PEX7: variants seen among roughly 807,000 people sequenced by gnomAD.
PEX7 encodes the protein PTS2 receptor.
In PEX7, 34 loss-of-function variants were observed where a neutral mutation model predicts 47.5. That is an observed-to-expected ratio of 0.72 (90% CI 0.54 to 0.95). The LOEUF (loss-of-function observed/expected upper bound fraction) is 0.95, where lower values mean the gene tolerates loss of function less well. Ranked by LOEUF, PEX7 falls within the 40% of genes least tolerant of loss-of-function variation. The pLI, the probability that PEX7 is intolerant of heterozygous loss-of-function variation, is 0.00. For synonymous variants in PEX7, 141 were observed against 148.8 expected, an observed-to-expected ratio of 0.95 and a Z score of 0.38; for missense variants, 394 against 400.3, an observed-to-expected ratio of 0.98 and a Z score of 0.13.
intron 8 of PEX7, among the ~76,000 whole-genome samples, chr6:136,875,360 T>C (rs1260446161): frequency 6.6e-6 from 1 of 152,178 alleles, no homozygotes; most frequent in Non-Finnish European, 1.5e-5. Flanking sequence ...GTTTTCATTA[T>C]CATTTTAAAA....
chr6:136,860,580 A>G (rs1305799758), intron 5 of PEX7, among the ~76,000 whole-genome samples: 1 of 151,688 alleles, frequency 6.6e-6, no homozygotes, highest in Non-Finnish European at 1.5e-5. Context: ...TGACGAGTTA[A>G]TGGGTGCAGC....
At chr6:136,881,345 G>C (rs1240971153) in intron 8 of PEX7, among the ~76,000 whole-genome samples, 1 of 152,060 alleles carries the variant, frequency 6.6e-6, no homozygotes, top group African/African-American at 2.4e-5. Flanking sequence ...GAGAGAACTT[G>C]GAATCTTCTC....
At chr6:136,824,277 C>T (rs1014421463) in intron 1 of PEX7, among the ~76,000 whole-genome samples, 1 of 152,112 alleles carries the variant, frequency 6.6e-6, no homozygotes, top group Non-Finnish European at 1.5e-5. Flanking sequence ...CACAGCTCAC[C>T]GTAGCCTCCA....
intron 9 of PEX7, among the ~76,000 whole-genome samples, chr6:136,910,655 C>G (rs1775918798): frequency 1.3e-5 from 2 of 152,158 alleles, no homozygotes; most frequent in Admixed American, 6.5e-5. Flanking sequence ...GATTGGCTAT[C>G]ACTATTCAAA....
At chr6:136,883,594 G>C (rs1423897216) in intron 8 of PEX7, among the ~76,000 whole-genome samples, 1 of 152,080 alleles carries the variant, frequency 6.6e-6, no homozygotes, top group Admixed American at 6.6e-5. Flanking sequence ...CCTTAAACTT[G>C]GTCGTCTCCC....
intron 8 of PEX7, among the ~76,000 whole-genome samples, chr6:136,895,760 C>T (rs887021707): frequency 6.6e-6 from 1 of 152,198 alleles, no homozygotes; most frequent in African/African-American, 2.4e-5. Context: ...TCTACCAGAG[C>T]TGTGAAATGG....
intron 3 of PEX7, among the ~76,000 whole-genome samples, chr6:136,844,737 C>T (rs1429247921): frequency 2.0e-5 from 3 of 151,992 alleles, no homozygotes; most frequent in Non-Finnish European, 2.9e-5. Context: ...CTATAAGTGA[C>T]GGGATCAGTA....
At chr6:136,858,461 C>T (rs1370909626) in intron 5 of PEX7, among the ~76,000 whole-genome samples, 1 of 152,150 alleles carries the variant, frequency 6.6e-6, no homozygotes, top group African/African-American at 2.4e-5. Context: ...CATACTAGTC[C>T]AGCGATTCTA....
At chr6:136,848,045 T>C (rs373594472) in intron 5 of PEX7, among the ~76,000 whole-genome samples, 1 of 152,190 alleles carries the variant, frequency 6.6e-6, no homozygotes, top group Non-Finnish European at 1.5e-5. Context: ...TAGTTCTCCT[T>C]GAAGAGGTCC....
chr6:136,896,129 C>T lies in PEX7; in HGVS notation c.804-2013C>T, dbSNP rs79807848. Reference sequence around the variant, plus strand: ...TTATCTTATCTCAGTGCAGCTTTGTCCTAAGCTGGCTCAAAACAACAGAAG... The same window carrying T: ...TTATCTTATCTCAGTGCAGCTTTGTTCTAAGCTGGCTCAAAACAACAGAAG... On this transcript the variant is annotated intron_variant, in intron 8 of 9. Coordinates refer to ENST00000318471, the MANE Select transcript of PEX7 (RefSeq NM_000288.4). 3.4e-3 allele frequency among the ~76,000 whole-genome samples: 519 copies of T among 152,218 alleles called. 9 individuals carry two copies. The South Asian group carries it at 0.041, about 12-fold the overall frequency.
chr6:136,827,504 T>TG (rs1774216057), intron 3 of PEX7, among the ~76,000 whole-genome samples: 2 of 140,930 alleles, frequency 1.4e-5, no homozygotes, highest in Admixed American at 7.1e-5. Context: ...CTGTGTGAAT[T>TG]TGTGTGTGTG....
At chr6:136,829,866 G>T in intron 3 of PEX7, 1 of 617,124 alleles carries the variant, frequency 1.6e-6, no homozygotes, top group Non-Finnish European at 2.9e-6. Context: ...GAGCATGGGA[G>T]GTGGAGGTTG....
At chr6:136,893,601 C>G (rs1162959378) in intron 8 of PEX7, among the ~76,000 whole-genome samples, 1 of 152,208 alleles carries the variant, frequency 6.6e-6, no homozygotes, top group African/African-American at 2.4e-5. Context: ...CTACCTGGCA[C>G]ATGGAAGGAC....
intron 8 of PEX7, among the ~76,000 whole-genome samples, chr6:136,888,603 C>T (rs1248780612): frequency 1.3e-5 from 2 of 152,094 alleles, no homozygotes; most frequent in Non-Finnish European, 2.9e-5. Context: ...TATTTTAGTA[C>T]TGAATTTATT....
chr6:136,896,197 GT>G (rs1775647375), intron 8 of PEX7, among the ~76,000 whole-genome samples: 1 of 152,100 alleles, frequency 6.6e-6, no homozygotes. Context: ...ATAAATTCTC[GT>G]TGTTTTGTAT....
At position 136,898,248 on chromosome 6, in the gene PEX7, G is replaced by A; in HGVS notation, c.903+7G>A. The A allele has an allele frequency of 6.7e-7, 1 of 1,498,340 alleles. No individual in the cohort carries two copies. Among genetic ancestry groups the A allele is most frequent in the Non-Finnish European group, 9.3e-7 (1 of 1,074,742 alleles). The allele number at this position is 1,498,340 out of a possible 1,614,324, so 92.8% of individuals were successfully genotyped here. A position where few individuals can be genotyped will look rare whatever the true frequency, so the allele number is the denominator to read the frequency against. On this transcript the variant is annotated splice_region_variant and intron_variant, in intron 9 of 9. Transcript: ENST00000318471. Reference sequence around the variant, plus strand: ...TCTTCAGAGCCCCACTCAGGTAACGGATACAATCTCATGATATTCTCTTCT... The same window carrying A: ...TCTTCAGAGCCCCACTCAGGTAACGAATACAATCTCATGATATTCTCTTCT...
intron 7 of PEX7, chr6:136,870,921 A>C: frequency 5.9e-6 from 1 of 168,542 alleles, no homozygotes; most frequent in Non-Finnish European, 1.3e-5. Flanking sequence ...CTGGTCTTGA[A>C]CTCCTGACCT....
intron 5 of PEX7, among the ~76,000 whole-genome samples, chr6:136,857,188 C>T (rs1185591339): frequency 6.6e-6 from 1 of 152,174 alleles, no homozygotes; most frequent in Admixed American, 6.5e-5. Context: ...GTGTACCATG[C>T]GTTTGTAAGC....
intron 5 of PEX7, among the ~76,000 whole-genome samples, chr6:136,863,488 T>C (rs73777760): frequency 0.029 from 4,463 of 152,138 alleles, 254 homozygotes; most frequent in African/African-American, 0.1. Flanking sequence ...AAAAATATAA[T>C]AAAAGTATTA....
Sources: gnomAD v4.1 joint callset for allele counts (sites outside exome capture counted in the v4.1 genomes callset) on GRCh38, gnomAD v4.1.1 for gene constraint, MANE v1.5 for transcripts, NCBI Gene and HGNC (gene_info 2026-07-23, HGNC 2026-07-21) for gene names.